Variants in SPATA31C1 observed in about 807,000 individuals in gnomAD.
SPATA31C1 encodes the protein spermatogenesis-associated protein 31C1.
rs371459287 is a variant in SPATA31C1, at chr9:87,920,826, T to C, written n.1216T>C. 139 of 1,613,748 alleles carry C rather than the reference T, an allele frequency of 8.6e-5. No homozygotes were observed. In the African/African-American group the frequency reaches 1.4e-3, roughly 16 times the overall value. ...TACCAAAACCTGGTGCATCTTCAAC[T>C]CGTCAGTCCAGCAAGATCATCTTTC... On this transcript the variant is annotated non_coding_transcript_exon_variant, in exon 5 of 5. Transcript: ENST00000420021.
chr9:87,922,935 C>T (rs1828914442), exon 5 of SPATA31C1: 3 of 1,600,230 alleles, frequency 1.9e-6, no homozygotes, highest in Non-Finnish European at 2.6e-6. Flanking sequence ...GAAACAGCCT[C>T]CTTCAATAAG....
chr9:87,916,264 AAAG>A (rs1283191462), intron 1 of SPATA31C1, among the ~76,000 whole-genome samples: 1 of 144,624 alleles, frequency 6.9e-6, no homozygotes, highest in Non-Finnish European at 1.5e-5. Flanking sequence ...AAAAAAAAAA[AAAG>A]ATCACATATC....
chr9:87,921,072 C>A (rs774677905), exon 5 of SPATA31C1: 1 of 1,611,526 alleles, frequency 6.2e-7, no homozygotes, highest in South Asian at 1.1e-5. Flanking sequence ...CCCTGCGTCG[C>A]AGAATAAAGT....
chr9:87,923,153 G>A lies in SPATA31C1; in HGVS notation n.3543G>A, dbSNP rs551322010. 9.4e-6 allele frequency: 15 copies of A among 1,603,296 alleles called. No individual in the cohort carries two copies. In the African/African-American group the frequency reaches 9.4e-5, roughly 10 times the overall value. On this transcript the variant is annotated non_coding_transcript_exon_variant, in exon 5 of 5. Transcript: ENST00000420021. ...CACTTTGCCATGCGCGCCATGCCTCGAAGGTAAATCAGCAAAGACAGCAGT... is the reference window on the plus strand; with the variant it reads ...CACTTTGCCATGCGCGCCATGCCTCAAAGGTAAATCAGCAAAGACAGCAGT...
exon 5 of SPATA31C1, chr9:87,923,069 C>A (rs1204845125): frequency 1.2e-6 from 2 of 1,601,094 alleles, no homozygotes; most frequent in Non-Finnish European, 1.7e-6. Flanking sequence ...TGTACGGCAG[C>A]AGTGCTGAAG....
exon 5 of SPATA31C1, chr9:87,922,160 G>C (rs537225781): frequency 1.1e-5 from 18 of 1,613,272 alleles, no homozygotes; most frequent in Admixed American, 1.7e-5. Flanking sequence ...AGAGGGCCCC[G>C]CGAGGGATCC....
rs199983150 is a variant in SPATA31C1 at position 87,920,564 on chromosome 9, A to T, written n.954A>T. 1.7e-3 allele frequency: 2,709 copies of T among 1,612,592 alleles called. 5 individuals carry two copies. The highest frequency in any genetic ancestry group is 3.2e-3 in the Admixed American group (193 of 59,880). On this transcript the variant is annotated non_coding_transcript_exon_variant, in exon 5 of 5. Transcript: ENST00000420021. ...AGCCACCTGCACTTTTCCCTCACCCACCACACACCCCTGATCCTCTGGCCT... is the reference window on the plus strand; with the variant it reads ...AGCCACCTGCACTTTTCCCTCACCCTCCACACACCCCTGATCCTCTGGCCT...
chr9:87,922,601 A>C (rs748483642), exon 5 of SPATA31C1: 1 of 1,609,212 alleles, frequency 6.2e-7, no homozygotes, highest in Admixed American at 1.7e-5. Context: ...CCCATGCTTC[A>C]GAGAATTTGG....
chr9:87,920,190 C>T, intron 4 of SPATA31C1, 62 bp from the exon 4 acceptor site: 1 of 1,605,816 alleles, frequency 6.2e-7, no homozygotes, highest in Non-Finnish European at 8.5e-7. Flanking sequence ...GCCCAAGCGC[C>T]CACTCTGCCC....
intron 2 of SPATA31C1, chr9:87,918,833 G>A: frequency 3.3e-6 from 1 of 302,870 alleles, no homozygotes; most frequent in South Asian, 3.0e-5. Context: ...GTGAAATGAA[G>A]CGATACCGGC....
exon 5 of SPATA31C1, chr9:87,920,638 CCA>C (rs777778335): frequency 6.2e-7 from 1 of 1,613,892 alleles, no homozygotes; most frequent in African/African-American, 1.3e-5. Context: ...CTGCGGGACT[CCA>C]CTCTGTTAAC....
chr9:87,919,926 G>A (rs1358421846), exon 4 of SPATA31C1: 1 of 1,607,354 alleles, frequency 6.2e-7, no homozygotes. Context: ...CTTGTAGAGA[G>A]TGCCCGAGAG....
At position 87,918,892 on chromosome 9, in the gene SPATA31C1, G is replaced by A. The variant is rs573830430; in HGVS notation, n.523-399G>A. 2.5e-3 allele frequency: 861 copies of A among 350,108 alleles called. 5 individuals carry two copies. The highest frequency in any genetic ancestry group is 0.016 in the African/African-American group (754 of 46,006). 21.7% of individuals were successfully genotyped at this position (350,108 alleles called of 1,614,324 possible). ...GTTCAAGCTATTCTCCTGTCTTAGCGTCCTGAGTAGCTGGGGATTACAGGC... is the reference window on the plus strand; with the variant it reads ...GTTCAAGCTATTCTCCTGTCTTAGCATCCTGAGTAGCTGGGGATTACAGGC... On this transcript the variant is annotated intron_variant and non_coding_transcript_variant, in intron 2 of 4. Transcript: ENST00000420021.
At chr9:87,919,284 C>T (rs769983651) in intron 2 of SPATA31C1, 1 of 1,589,506 alleles carries the variant, frequency 6.3e-7, no homozygotes, top group African/African-American at 1.3e-5. Context: ...GTCATCTTGT[C>T]TCCCAGTGTC....
chr9:87,920,385 A>C, exon 5 of SPATA31C1: 1 of 1,613,876 alleles, frequency 6.2e-7, no homozygotes, highest in East Asian at 2.2e-5. Context: ...TGCTGCTCCC[A>C]TTGTCTCCCC....
chr9:87,920,729 T>C, exon 5 of SPATA31C1: 1 of 1,614,012 alleles, frequency 6.2e-7, no homozygotes, highest in Non-Finnish European at 8.5e-7. Flanking sequence ...ATTTGGCGGC[T>C]TCTGTCCCAG....
rs751060531 is a variant in SPATA31C1, at chr9:87,920,737, C to G, written n.1127C>G. 6.8e-6 allele frequency: 11 copies of G among 1,613,888 alleles called. No homozygotes were observed. The African/African-American group carries it at 1.3e-4, about 20-fold the overall frequency. On this transcript the variant is annotated non_coding_transcript_exon_variant, in exon 5 of 5. Coordinates refer to ENST00000420021, the Ensembl canonical transcript of SPATA31C1. ...CGTGAGGATTTGGCGGCTTCTGTCC[C>G]AGCCATCTCAGGCCTTGGCGGCTCA...
At chr9:87,923,021 T>C (rs1053847797) in exon 5 of SPATA31C1, 24 of 1,591,890 alleles carry the variant, frequency 1.5e-5, no homozygotes, top group Non-Finnish European at 2.1e-5. Flanking sequence ...CACCAGTCAC[T>C]GCTGAGAGCC....
chr9:87,919,217 G>A (rs770958254), intron 2 of SPATA31C1, 38 bp from the exon 2 acceptor site: 1 of 1,446,986 alleles, frequency 6.9e-7, no homozygotes, highest in Non-Finnish European at 9.2e-7. Flanking sequence ...CAGAGAGGGA[G>A]AGCCGGTCCT....
Sources: allele counts gnomAD v4.1 joint callset (sites outside exome capture counted in the v4.1 genomes callset), GRCh38; gene constraint gnomAD v4.1.1; transcripts MANE v1.5; gene names NCBI Gene and HGNC (gene_info 2026-07-23, HGNC 2026-07-21).